Variants in DCP2 observed in about 807,000 individuals in gnomAD.
DCP2 encodes m7GpppN-mRNA hydrolase.
DCP2 carries 30 observed loss-of-function variants against 56.1 expected under a neutral mutation model. The observed-to-expected ratio is 0.53, with a 90% CI of 0.40 to 0.73. The LOEUF (loss-of-function observed/expected upper bound fraction) is 0.73, where lower values mean the gene tolerates loss of function less well. Among genes scored for constraint, DCP2 ranks in the 30% least tolerant of loss-of-function variants. DCP2 has a pLI of 0.00. For synonymous variants in DCP2, 197 were observed against 163.3 expected (o/e 1.21, Z -1.57); for missense variants, 533 against 502.7 (o/e 1.06, Z -0.58).
Position 113,019,560 on chromosome 5 carries a change from A to T in DCP2, c.*6076A>T, listed in dbSNP as rs1414078311. The T allele has an allele frequency of 6.6e-6, 1 of 152,180 alleles. No individual in the cohort carries two copies. The highest frequency in any genetic ancestry group is 1.5e-5 in the Non-Finnish European group (1 of 68,020). 9.4% of individuals were successfully genotyped at this position (152,180 alleles called of 1,614,324 possible). A position where few individuals can be genotyped will look rare whatever the true frequency, so the allele number is the denominator to read the frequency against. On this transcript the variant is annotated 3_prime_UTR_variant, in exon 11 of 11. Coordinates refer to ENST00000389063, the MANE Select transcript of DCP2 (RefSeq NM_152624.6). ...TCTTAAAGTTCTTTGGTCATATTTC[A>T]CTTTAGAGTTAGGACAGGAGACAGC...
intron 2 of DCP2, 126 bp from the exon 3 acceptor site, chr5:112,991,995 C>G (rs549080509): frequency 1.4e-6 from 2 of 1,408,212 alleles, no homozygotes; most frequent in African/African-American, 2.9e-5. Context: ...AAATGCTACA[C>G]TTAAATGAGG....
In DCP2 at chr5:112,992,147, C is replaced by T; in HGVS notation, c.232C>T (p.Pro78Ser). 1 of 1,613,720 alleles carries T rather than the reference C, an allele frequency of 6.2e-7. No individual in the cohort carries two copies. Among genetic ancestry groups the T allele is most frequent in the South Asian group, 1.1e-5 (1 of 91,026 alleles). ...CTTCAGTCATTGTCCGTTTTTGCTG[C>T]CTCAAGGTGAAGATGTGGAAAAAGT... Reference protein sequence around the residue: ...AVFSHCPFLLPQGEDVEKVLD... With the variant: ...AVFSHCPFLLSQGEDVEKVLD... Residue 78 changes from proline to serine, a missense_variant, in exon 3 of 11, where the codon CCT (proline) becomes TCT (serine). This residue lies in a region of DCP2 where 137 missense variants were observed against 138.2 expected (regional missense o/e 0.99). Coordinates refer to ENST00000389063, the MANE Select transcript of DCP2 (RefSeq NM_152624.6).
rs1749988033 is a variant in DCP2, at chr5:113,018,640, T to A, written c.*5156T>A. 1 of 152,174 alleles carries A rather than the reference T, an allele frequency of 6.6e-6. No individual in the cohort carries two copies. Among genetic ancestry groups the A allele is most frequent in the Non-Finnish European group, 1.5e-5 (1 of 68,056 alleles). 9.4% of individuals were successfully genotyped at this position (152,174 alleles called of 1,614,324 possible). ...GTGTTTTCTGCTTTTTGGTGGAAGG[T>A]TTCCTGCAGGTGGTTGGGTGGTTTT... On this transcript the variant is annotated 3_prime_UTR_variant, in exon 11 of 11. Coordinates refer to ENST00000389063, the MANE Select transcript of DCP2 (RefSeq NM_152624.6).
intron 2 of DCP2, among the ~76,000 whole-genome samples, chr5:112,989,240 C>G (rs1748458064): frequency 6.6e-6 from 1 of 152,120 alleles, no homozygotes; most frequent in Non-Finnish European, 1.5e-5. Context: ...CCCATCTTGG[C>G]CACTCGAAAA....
rs553260472 is a variant in DCP2, at chr5:112,989,961, A to G, written c.206-2160A>G. Among the ~76,000 whole-genome samples, 10 of 152,322 alleles carry G rather than the reference A, an allele frequency of 6.6e-5. No homozygotes were observed. In the South Asian group the frequency reaches 2.1e-3, roughly 32 times the overall value. ...GGATATCTGAGGAGAAGTAGAAGAA[A>G]GGATGGTACCCAGGTTTCTAGTATG... On this transcript the variant is annotated intron_variant, in intron 2 of 10. Transcript: ENST00000389063.
chr5:112,999,334 GT>G (rs200147708), intron 4 of DCP2, among the ~76,000 whole-genome samples: 3 of 148,052 alleles, frequency 2.0e-5, no homozygotes, highest in African/African-American at 5.0e-5. Flanking sequence ...TTTTTCTGTT[GT>G]TTTTTTTTTG....
In DCP2 at chr5:112,988,417, G is replaced by A. The variant is rs531194843; in HGVS notation, c.205+2431G>A. ...TGAGGCAGGAGAATGGTGTGAACCC[G>A]GGAGGCAGAGCTTGCAGTGAGCCGA... On this transcript the variant is annotated intron_variant, in intron 2 of 10. Transcript: ENST00000389063. Among the ~76,000 whole-genome samples, 519 of 150,786 alleles carry A rather than the reference G, an allele frequency of 3.4e-3. 3 individuals carry two copies. Among genetic ancestry groups the A allele is most frequent in the Non-Finnish European group, 5.4e-3 (366 of 67,796 alleles).
chr5:112,984,686 T>TTAAAAA lies in DCP2; in HGVS notation c.54-1149_54-1148insTAAAAA, dbSNP rs377352438. ...TGCAGTGTTGTTTTTATTTCTTAAT[T>TTAAAAA]AAAAAAAAAAAAAAAAAATATATAT... On this transcript the variant is annotated intron_variant, in intron 1 of 10. Coordinates refer to ENST00000389063, the MANE Select transcript of DCP2 (RefSeq NM_152624.6). The TTAAAAA allele has an allele frequency of 1.6e-4, 14 of 89,474 alleles. 1 individual carries two copies. The highest frequency in any genetic ancestry group is 4.2e-4 in the African/African-American group (8 of 19,062). 5.5% of individuals were successfully genotyped at this position (89,474 alleles called of 1,614,324 possible). A position where few individuals can be genotyped will look rare whatever the true frequency, so the allele number is the denominator to read the frequency against.
rs1246461429 is a variant in DCP2 at position 113,015,116 on chromosome 5, G to T, written c.*1632G>T. Reference sequence around the variant, plus strand: ...TTAATGTGACAAATTTTTGAATCCTGTGACTTTTGCTTTTTAATGCATTAT... The same window carrying T: ...TTAATGTGACAAATTTTTGAATCCTTTGACTTTTGCTTTTTAATGCATTAT... On this transcript the variant is annotated 3_prime_UTR_variant, in exon 11 of 11. Transcript: ENST00000389063. The T allele has an allele frequency of 6.6e-6, 1 of 152,584 alleles. No individual in the cohort carries two copies. Among genetic ancestry groups the T allele is most frequent in the Non-Finnish European group, 1.5e-5 (1 of 68,012 alleles). 9.5% of individuals were successfully genotyped at this position (152,584 alleles called of 1,614,324 possible).
intron 1 of DCP2, chr5:112,984,581 T>G (rs1431568875): frequency 6.6e-6 from 1 of 151,400 alleles, no homozygotes; most frequent in East Asian, 1.9e-4. Context: ...TGCAACATGA[T>G]TTAGCTGCTT....
At chr5:113,007,905 A>G (rs1391682154) in intron 8 of DCP2, 33 bp from the exon 9 acceptor site, 7 of 1,574,602 alleles carry the variant, frequency 4.4e-6, no homozygotes, top group African/African-American at 4.1e-5. Context: ...ATTATGCTAT[A>G]GATTCATATT....
chr5:113,011,478 A>G (rs1397805239), intron 10 of DCP2, among the ~76,000 whole-genome samples: 2 of 152,168 alleles, frequency 1.3e-5, no homozygotes, highest in East Asian at 3.8e-4. Context: ...CTTAGGTGCT[A>G]TTTTGAATTG....
At chr5:112,996,591 TC>T (rs1554100256) in intron 4 of DCP2, among the ~76,000 whole-genome samples, 1 of 152,198 alleles carries the variant, frequency 6.6e-6, no homozygotes, top group Non-Finnish European at 1.5e-5. Flanking sequence ...ATTTGACACA[TC>T]CTCAAACAGG....
intron 4 of DCP2, among the ~76,000 whole-genome samples, chr5:113,000,491 C>T (rs1749127037): frequency 6.6e-6 from 1 of 152,010 alleles, no homozygotes; most frequent in Non-Finnish European, 1.5e-5. Context: ...GACAGTTGCA[C>T]ATATTGATAG....
At chr5:113,002,096 T>C (rs1749208639) in intron 7 of DCP2, among the ~76,000 whole-genome samples, 1 of 152,120 alleles carries the variant, frequency 6.6e-6, no homozygotes, top group Non-Finnish European at 1.5e-5. Flanking sequence ...GTTTGTTAAA[T>C]TGGAGATAGA....
At chr5:112,994,957 G>A (rs1478554683) in intron 4 of DCP2, among the ~76,000 whole-genome samples, 5 of 152,136 alleles carry the variant, frequency 3.3e-5, no homozygotes, top group Non-Finnish European at 7.3e-5. Flanking sequence ...ATTGCCTTGT[G>A]TATGTTTGAC....
rs1207655628 is a variant in DCP2, at chr5:113,021,006, G to A, written c.*7522G>A. 2 of 151,980 alleles carry A rather than the reference G, an allele frequency of 1.3e-5. No individual in the cohort carries two copies. Among genetic ancestry groups the A allele is most frequent in the African/African-American group, 4.8e-5 (2 of 41,400 alleles). 9.4% of individuals were successfully genotyped at this position (151,980 alleles called of 1,614,324 possible). A position where few individuals can be genotyped will look rare whatever the true frequency, so the allele number is the denominator to read the frequency against. ...CTGCTACTGTTATTTATCATCGTAGGTTCTGAGTTGCTCATTGTGGTTGCT... is the reference window on the plus strand; with the variant it reads ...CTGCTACTGTTATTTATCATCGTAGATTCTGAGTTGCTCATTGTGGTTGCT... On this transcript the variant is annotated 3_prime_UTR_variant, in exon 11 of 11. Coordinates refer to ENST00000389063, the MANE Select transcript of DCP2 (RefSeq NM_152624.6).
At position 112,976,837 on chromosome 5, in the gene DCP2, G is replaced by C; in HGVS notation, c.-97G>C. ...AGTCGTCTCTGCCGCGGCTTCCTCG[G>C]CTGCCAGCTCTCCGGCGAGCCGGAG... On this transcript the variant is annotated 5_prime_UTR_variant, in exon 1 of 11. Transcript: ENST00000389063. 1 of 1,328,828 alleles carries C rather than the reference G, an allele frequency of 7.5e-7. No individual in the cohort carries two copies. The allele number at this position is 1,328,828 out of a possible 1,614,324, so 82.3% of individuals were successfully genotyped here. A position where few individuals can be genotyped will look rare whatever the true frequency, so the allele number is the denominator to read the frequency against.
Position 113,021,496 on chromosome 5 carries a change from G to A in DCP2, c.*8012G>A, listed in dbSNP as rs1750131491. Among the ~76,000 whole-genome samples the A allele has an allele frequency of 6.6e-6, 1 of 151,790 alleles. No homozygotes were observed. The highest frequency in any genetic ancestry group is 2.4e-5 in the African/African-American group (1 of 41,294). ...TGCTTTAAAGCAAGATTATAGTGTA[G>A]GGCTTGAGATGTGAATTCATTAGAT... is the stretch of plus-strand genomic sequence containing the variant. On this transcript the variant is annotated 3_prime_UTR_variant, in exon 11 of 11. Transcript: ENST00000389063.
Sources: gnomAD v4.1 joint callset for allele counts (sites outside exome capture counted in the v4.1 genomes callset) on GRCh38, gnomAD v4.1.1 for gene constraint, gnomAD v4.1.1 regional missense constraint, MANE v1.5 for transcripts, NCBI Gene and HGNC (gene_info 2026-07-23, HGNC 2026-07-21) for gene names.